The following RTN4RL2 variants were observed in gnomAD, a reference collection of about 807,000 sequenced individuals.
The protein encoded by RTN4RL2 is reticulon 4 receptor like 2.
A neutral mutation model predicts 27.8 loss-of-function variants in RTN4RL2; 9 were observed. That is an observed-to-expected ratio of 0.32 (90% CI 0.20 to 0.57). The LOEUF is 0.57. Among genes scored for constraint, RTN4RL2 ranks in the 20% least tolerant of loss-of-function variants. RTN4RL2 has a pLI of 0.90. For synonymous variants in RTN4RL2, 285 were observed against 297.9 expected, an observed-to-expected ratio of 0.96 and a Z score of 0.45; for missense variants, 436 against 596.8, an observed-to-expected ratio of 0.73 and a Z score of 2.81.
At chr11:57,468,999 C>T in intron 2 of RTN4RL2, 1 of 643,404 alleles carries the variant, frequency 1.6e-6, no homozygotes, top group South Asian at 1.8e-5. Flanking sequence ...GCTACAGAGC[C>T]TCCGGCTGGA....
chr11:57,462,746 C>T (rs368636996), intron 1 of RTN4RL2, among the ~76,000 whole-genome samples: 7 of 152,224 alleles, frequency 4.6e-5, no homozygotes, highest in African/African-American at 1.7e-4. Flanking sequence ...TTCAGCCTTC[C>T]GGGATCAATA....
chr11:57,461,525 G>A (rs1031835747), intron 1 of RTN4RL2, among the ~76,000 whole-genome samples: 10 of 151,606 alleles, frequency 6.6e-5, no homozygotes, highest in Admixed American at 5.3e-4. Context: ...AAGGAGGAGG[G>A]AGATGGAGCG....
chr11:57,474,310 G>A (rs570932986), intron 2 of RTN4RL2, among the ~76,000 whole-genome samples: 85 of 152,322 alleles, frequency 5.6e-4, no homozygotes, highest in African/African-American at 1.9e-3. Context: ...TTCCTGTAGC[G>A]AAGAGGGCGG....
At chr11:57,471,864 CT>C (rs201449503) in intron 2 of RTN4RL2, among the ~76,000 whole-genome samples, 134 of 147,012 alleles carry the variant, frequency 9.1e-4, no homozygotes, top group Admixed American at 8.8e-4. Context: ...TGTTTTCTTT[CT>C]TTTTTTTTTT....
At chr11:57,465,042 C>A (rs1041663334) in intron 1 of RTN4RL2, among the ~76,000 whole-genome samples, 3 of 151,822 alleles carry the variant, frequency 2.0e-5, no homozygotes, top group African/African-American at 7.3e-5. Context: ...CACGCACCGA[C>A]GCAGCACCGA....
At chr11:57,466,628 C>A (rs976981868) in intron 1 of RTN4RL2, among the ~76,000 whole-genome samples, 19 of 152,270 alleles carry the variant, frequency 1.2e-4, no homozygotes, top group African/African-American at 4.3e-4. Flanking sequence ...CCCCTCCCGG[C>A]ACAAAGAGGC....
rs769922018 is a variant in RTN4RL2, at chr11:57,476,175, C to T, written c.527C>T (p.Ala176Val). ...CACCCCACCCAGGATGACTTGTTCG[C>T]GGACCTGGCCAACCTGAGCCACCTC... ...SLLHLQDDLF[A>V]DLANLSHLFL... The change falls in exon 3 of 3, where the codon GCG becomes GTG. Residue 176 changes from alanine (A) to valine (V), a missense_variant. Physicochemically the swap from Ala to Val is moderately conservative, Grantham distance 64 (BLOSUM62 0). Around this residue, in one of 3 missense-constraint regions of RTN4RL2, gnomAD observed 365 missense variants for 530.5 expected, o/e 0.69. Coordinates refer to ENST00000335099, the MANE Select transcript of RTN4RL2 (RefSeq NM_178570.3). The surrounding 1 kb of genome is among the most constrained non-coding windows in gnomAD (Gnocchi z 8.2). The T allele has an allele frequency of 1.1e-5, 18 of 1,606,068 alleles. No homozygotes were observed. The highest frequency in any genetic ancestry group is 4.0e-5 in the African/African-American group (3 of 74,900).
intron 2 of RTN4RL2, among the ~76,000 whole-genome samples, chr11:57,470,636 G>A (rs896832956): frequency 6.6e-6 from 1 of 150,600 alleles, no homozygotes; most frequent in African/African-American, 2.5e-5. Flanking sequence ...TAGCACATAT[G>A]GGCACTATAA....
At position 57,467,538 on chromosome 11, in the gene RTN4RL2, G is replaced by T; in HGVS notation, c.32-71G>T. On this transcript the variant is annotated intron_variant, in intron 1 of 2. Coordinates refer to ENST00000335099, the MANE Select transcript of RTN4RL2 (RefSeq NM_178570.3). This position sits in a 1 kb window ranked among gnomAD's most constrained non-coding sequence, Gnocchi z 5.5. ...CGGGTCTAGGCCTTTTACCAAGTTG[G>T]GGGGCTGGCCCCCAGCTGGCACTCC... 1 of 1,534,986 alleles carries T rather than the reference G, an allele frequency of 6.5e-7. No homozygotes were observed. Among genetic ancestry groups the T allele is most frequent in the Non-Finnish European group, 8.7e-7 (1 of 1,144,526 alleles).
intron 2 of RTN4RL2, chr11:57,468,707 G>A: frequency 2.6e-6 from 4 of 1,535,994 alleles, no homozygotes; most frequent in Non-Finnish European, 3.5e-6. Flanking sequence ...ACTGGGCAAT[G>A]GGACGGGAGA....
intron 2 of RTN4RL2, among the ~76,000 whole-genome samples, chr11:57,471,420 C>T (rs773653024): frequency 1.6e-4 from 24 of 152,302 alleles, no homozygotes; most frequent in Non-Finnish European, 2.8e-4. Flanking sequence ...TTGTTCTCTA[C>T]GCCCCTGGCA....
At chr11:57,468,458 C>A in intron 2 of RTN4RL2, 1 of 1,065,268 alleles carries the variant, frequency 9.4e-7, no homozygotes, top group Non-Finnish European at 1.4e-6. Flanking sequence ...TGTCTCCCTT[C>A]ACACACCCAC....
intron 1 of RTN4RL2, among the ~76,000 whole-genome samples, chr11:57,465,927 G>A (rs1271826643): frequency 6.6e-6 from 1 of 150,536 alleles, no homozygotes; most frequent in Non-Finnish European, 1.5e-5. Flanking sequence ...CAAGGTGGGA[G>A]GATTGTTTGA....
intron 1 of RTN4RL2, among the ~76,000 whole-genome samples, chr11:57,463,046 C>T (rs948158306): frequency 2.6e-5 from 4 of 152,182 alleles, no homozygotes; most frequent in Non-Finnish European, 4.4e-5. Context: ...GTGGTTTCTG[C>T]GGAGGATGTG....
intron 1 of RTN4RL2, among the ~76,000 whole-genome samples, 182 bp downstream of exon 1, chr11:57,461,078 G>A (rs1360871190): frequency 6.6e-6 from 1 of 152,096 alleles, no homozygotes; most frequent in Non-Finnish European, 1.5e-5. Context: ...GCACTTGGCT[G>A]GGAGCCCGCG....
At chr11:57,465,438 AAGGAGCCCC>A (rs1365324705) in intron 1 of RTN4RL2, among the ~76,000 whole-genome samples, 1 of 152,182 alleles carries the variant, frequency 6.6e-6, no homozygotes, top group Non-Finnish European at 1.5e-5. Context: ...TCTGAACCCC[AAGGAGCCCC>A]AGGATGTCAG....
At chr11:57,470,675 T>C (rs2135121071) in intron 2 of RTN4RL2, among the ~76,000 whole-genome samples, 1 of 152,312 alleles carries the variant, frequency 6.6e-6, no homozygotes, top group Non-Finnish European at 1.5e-5. Flanking sequence ...CTACTACTAA[T>C]ACTGAGATCA....
Position 57,476,841 on chromosome 11 carries a change from G to T in RTN4RL2, c.1193G>T (p.Gly398Val). The change falls in exon 3 of 3, where the codon GGC (glycine) becomes GTC (valine). Residue 398 changes from glycine (G) to valine (V), a missense_variant. Transcript: ENST00000335099. This position sits in a 1 kb window ranked among gnomAD's most constrained non-coding sequence, Gnocchi z 8.2. ...TGCCAGGCGCCCCCGGACTCCCGAG[G>T]CCCTGCGCTCTCGGCCGGGCTCCCC... ...AACQAPPDSR[G>V]PALSAGLPSP... 1 of 1,572,252 alleles carries T rather than the reference G, an allele frequency of 6.4e-7. No individual in the cohort carries two copies.
chr11:57,474,717 C>CT (rs1943586482), intron 2 of RTN4RL2, among the ~76,000 whole-genome samples: 1 of 152,206 alleles, frequency 6.6e-6, no homozygotes, highest in Non-Finnish European at 1.5e-5. Flanking sequence ...CTGATGGGTG[C>CT]CAAGGCATTA....
Sources: gnomAD v4.1 joint callset for allele counts (sites outside exome capture counted in the v4.1 genomes callset) on GRCh38, gnomAD v4.1.1 for gene constraint, gnomAD v4.1.1 regional missense constraint, Gnocchi (gnomAD v3.1) non-coding constraint, MANE v1.5 for transcripts, NCBI Gene and HGNC (gene_info 2026-07-23, HGNC 2026-07-21) for gene names.